UNC79: variants seen among roughly 807,000 people sequenced by gnomAD.
UNC79 encodes unc-79 subunit of NALCN channel complex, also known as protein unc-79 homolog.
Under a neutral mutation model 283.1 loss-of-function variants are expected in UNC79, and 37 were observed. That is an observed-to-expected ratio of 0.13 (90% confidence interval 0.10 to 0.17). The LOEUF (loss-of-function observed/expected upper bound fraction) is 0.17. Ranked by LOEUF, UNC79 falls within the 10% of genes least tolerant of loss-of-function variation. The pLI is 1.00. For synonymous variants in UNC79, 1,107 were observed against 1,200.2 expected (o/e 0.92, Z 1.61); for missense variants, 2,272 against 3,211.1 (o/e 0.71, Z 7.07).
At chr14:93,357,500 A>G (rs2054109827) in intron 1 of UNC79, among the ~76,000 whole-genome samples, 1 of 151,504 alleles carries the variant, frequency 6.6e-6, no homozygotes. Flanking sequence ...AAAACACTAG[A>G]CTGGCTTAGC....
intron 23 of UNC79, among the ~76,000 whole-genome samples, chr14:93,594,987 G>GTATA (rs149323562): frequency 6.6e-6 from 1 of 151,518 alleles, no homozygotes; most frequent in South Asian, 2.1e-4. Context: ...GGGCTAGTTA[G>GTATA]TATATATATA....
chr14:93,677,982 T>C (rs116333785), intron 41 of UNC79, among the ~76,000 whole-genome samples: 2 of 152,178 alleles, frequency 1.3e-5, no homozygotes, highest in Admixed American at 1.3e-4. Flanking sequence ...AGTTGCTTTT[T>C]TTCTTGCCCT....
At chr14:93,488,472 A>G (rs1429114203) in intron 5 of UNC79, among the ~76,000 whole-genome samples, 1 of 147,750 alleles carries the variant, frequency 6.8e-6, no homozygotes, top group Non-Finnish European at 1.5e-5. Context: ...GTTTATTTGG[A>G]AAGTAAACAA....
At chr14:93,657,528 T>G (rs2071085035) in intron 38 of UNC79, among the ~76,000 whole-genome samples, 1 of 151,720 alleles carries the variant, frequency 6.6e-6, no homozygotes, top group Admixed American at 6.6e-5. Context: ...ATTTTTTGTA[T>G]TTTTAGTAGA....
chr14:93,694,725 G>C (rs1262857912), intron 47 of UNC79, among the ~76,000 whole-genome samples: 2 of 151,922 alleles, frequency 1.3e-5, no homozygotes, highest in Non-Finnish European at 2.9e-5. Context: ...AGACCAGCCT[G>C]GGCAATATAG....
intron 22 of UNC79, among the ~76,000 whole-genome samples, chr14:93,591,839 AT>A (rs1188267015): frequency 2.6e-5 from 4 of 152,180 alleles, no homozygotes; most frequent in African/African-American, 9.7e-5. Flanking sequence ...TTTTACTGTG[AT>A]TTGCAATTTA....
At chr14:93,489,453 A>G (rs558760997) in intron 5 of UNC79, among the ~76,000 whole-genome samples, 1 of 152,238 alleles carries the variant, frequency 6.6e-6, no homozygotes, top group African/African-American at 2.4e-5. Flanking sequence ...CTGTGAGCCT[A>G]TGAAATCAAA....
exon 19 of UNC79, chr14:93,580,353 C>G: frequency 6.2e-7 from 1 of 1,613,834 alleles, no homozygotes; most frequent in Non-Finnish European, 8.5e-7. Flanking sequence ...GAGACTAGCT[C>G]CTAAAGAAGA....
rs556533723 is a variant in UNC79 at position 93,601,814 on chromosome 14, A to G, written c.3574+1044A>G. Among the ~76,000 whole-genome samples, 26 of 152,322 alleles carry G rather than the reference A, an allele frequency of 1.7e-4. No individual in the cohort carries two copies. In the East Asian group the frequency reaches 4.0e-3, roughly 24 times the overall value. Reference sequence around the variant, plus strand: ...GGCATTCTTGCAGGAGTAAGGTGGTATCTCATTGTGGTTTTAATTTGCATT... The same window carrying G: ...GGCATTCTTGCAGGAGTAAGGTGGTGTCTCATTGTGGTTTTAATTTGCATT... On this transcript the variant is annotated intron_variant, in intron 25 of 48. Coordinates refer to ENST00000555664, the Ensembl canonical transcript of UNC79.
At chr14:93,525,417 C>T (rs1473860223) in intron 8 of UNC79, among the ~76,000 whole-genome samples, 1 of 151,966 alleles carries the variant, frequency 6.6e-6, no homozygotes, top group Non-Finnish European at 1.5e-5. Context: ...CCACTGCACT[C>T]CAGCCTGGGC....
exon 1 of UNC79, chr14:93,333,241 C>CCGGGCGTCGGGTCGCTGGGAGT (rs143806161): frequency 0.18 from 71,120 of 400,174 alleles, 7,063 homozygotes; most frequent in East Asian, 0.34. Context: ...CGGCTGGGAG[C>CCGGGCGTCGGGTCGCTGGGAGT]CGGGCGTCGG....
At position 93,550,288 on chromosome 14, in the gene UNC79, G is replaced by A. The variant is rs538805786; in HGVS notation, c.1755+7592G>A. ...TCCTAGACAATATGATAGTCATGAA[G>A]TCTCTGTGAGAGAGGAAAGAGGGAA... On this transcript the variant is annotated intron_variant, in intron 14 of 48. Transcript: ENST00000555664. Among the ~76,000 whole-genome samples, 240 of 152,244 alleles carry A rather than the reference G, an allele frequency of 1.6e-3. 1 individual carries two copies. The highest frequency in any genetic ancestry group is 5.3e-3 in the African/African-American group (222 of 41,528).
At chr14:93,451,066 A>T (rs2056624319) in intron 1 of UNC79, among the ~76,000 whole-genome samples, 1 of 151,568 alleles carries the variant, frequency 6.6e-6, no homozygotes, top group South Asian at 2.1e-4. Flanking sequence ...TAACAGCACA[A>T]CAGCGTTCAT....
intron 7 of UNC79, among the ~76,000 whole-genome samples, chr14:93,519,131 T>C (rs1037236891): frequency 3.3e-5 from 5 of 151,872 alleles, no homozygotes; most frequent in Admixed American, 2.0e-4. Context: ...TATGGAAATT[T>C]ACAACTTCAG....
At chr14:93,630,803 C>G in exon 31 of UNC79, 1 of 1,613,050 alleles carries the variant, frequency 6.2e-7, no homozygotes, top group Non-Finnish European at 8.5e-7. Flanking sequence ...GTTTGTAGAT[C>G]CTTCTACTAA....
chr14:93,575,277 ACTGT>A, intron 17 of UNC79, 79 bp downstream of exon 17: 1 of 1,588,954 alleles, frequency 6.3e-7, no homozygotes, highest in Non-Finnish European at 8.6e-7. Flanking sequence ...GCCTGAAAGT[ACTGT>A]CATAAGAAAC....
chr14:93,466,078 T>C (rs551278956), intron 1 of UNC79, among the ~76,000 whole-genome samples: 3 of 152,360 alleles, frequency 2.0e-5, no homozygotes, highest in African/African-American at 7.2e-5. Context: ...GAAAAAAAGT[T>C]ATTTACTACC....
chr14:93,468,507 G>A (rs1242763), intron 2 of UNC79, among the ~76,000 whole-genome samples: 149,373 of 152,354 alleles, frequency 0.98, 73,247 homozygotes, highest in African/African-American at 1. Flanking sequence ...CCATTACCAC[G>A]GTCTTCTCAC....
At chr14:93,632,022 G>T (rs1033948390) in intron 31 of UNC79, among the ~76,000 whole-genome samples, 1 of 152,228 alleles carries the variant, frequency 6.6e-6, no homozygotes, top group Admixed American at 6.5e-5. Context: ...GATAGATGTT[G>T]TTGGCCCCAT....
Sources: allele counts gnomAD v4.1 joint callset (sites outside exome capture counted in the v4.1 genomes callset), GRCh38; gene constraint gnomAD v4.1.1; transcripts MANE v1.5; gene names NCBI Gene and HGNC (gene_info 2026-07-23, HGNC 2026-07-21).